Variants in ARID4A observed in about 807,000 individuals in gnomAD.
ARID4A encodes the protein AT-rich interactive domain-containing protein 4A.
ARID4A carries 39 observed loss-of-function variants against 148.6 expected under a neutral mutation model. The observed-to-expected ratio is 0.26, with a 90% confidence interval of 0.20 to 0.34. The LOEUF is 0.34. Ranked by LOEUF, ARID4A falls within the 10% of genes least tolerant of loss-of-function variation. The probability of loss-of-function intolerance (pLI) is 1.00; values close to 1 mark genes in which losing one functional copy is unlikely to be tolerated. For missense variants in ARID4A, 1,265 were observed against 1,449.1 expected (o/e 0.87, Z 2.06); for synonymous variants, 475 against 481.2 (o/e 0.99, Z 0.17).
intron 2 of ARID4A, 80 bp downstream of exon 2, chr14:58,299,940 G>C: frequency 1.9e-6 from 3 of 1,590,308 alleles, no homozygotes; most frequent in South Asian, 1.1e-5. Flanking sequence ...AATGTCATTT[G>C]TTTTGCTACT....
At chr14:58,308,198 A>G (rs896845841) in intron 5 of ARID4A, among the ~76,000 whole-genome samples, 4 of 152,084 alleles carry the variant, frequency 2.6e-5, no homozygotes, top group Admixed American at 1.3e-4. Flanking sequence ...TCTGTGTTGG[A>G]TAATTACAGA....
chr14:58,369,044 T>A (rs1484571596), intron 23 of ARID4A, among the ~76,000 whole-genome samples: 1 of 151,700 alleles, frequency 6.6e-6, no homozygotes, highest in African/African-American at 2.4e-5. Flanking sequence ...AGCAGGAATT[T>A]AAAAAAAATA....
intron 11 of ARID4A, among the ~76,000 whole-genome samples, chr14:58,339,911 A>G (rs1196552031): frequency 6.6e-6 from 1 of 151,962 alleles, no homozygotes; most frequent in Non-Finnish European, 1.5e-5. Flanking sequence ...ATACACTTTC[A>G]AGCAACCAGA....
intron 3 of ARID4A, among the ~76,000 whole-genome samples, chr14:58,303,091 G>C (rs984338512): frequency 6.6e-6 from 1 of 151,638 alleles, no homozygotes; most frequent in Non-Finnish European, 1.5e-5. Context: ...TACCTCCTAT[G>C]CTTATTATAA....
At chr14:58,299,970 G>T in intron 2 of ARID4A, 110 bp downstream of exon 2, 3 of 1,487,726 alleles carry the variant, frequency 2.0e-6, no homozygotes, top group South Asian at 2.3e-5. Context: ...TGTTCCTACT[G>T]ATCAGCAGTT....
In ARID4A at chr14:58,366,124, A is replaced by T. The variant is rs1429088364; in HGVS notation, c.3417A>T (p.Arg1139=). 6.2e-7 allele frequency: 1 copy of T among 1,613,794 alleles called. No individual in the cohort carries two copies. Among genetic ancestry groups the T allele is most frequent in the Admixed American group, 1.7e-5 (1 of 60,000 alleles). The part of the protein sequence containing the change: ...LNVSKPQKLA[R]SPARISPHIK... Reference sequence around the variant, plus strand: ...TATCTAAGCCACAGAAACTTGCACGATCTCCTGCAAGAATATCCCCGCACA... The same window carrying T: ...TATCTAAGCCACAGAAACTTGCACGTTCTCCTGCAAGAATATCCCCGCACA... Residue 1139 remains arginine (R), a synonymous_variant, in exon 22 of 24, where the codon CGA becomes CGT. Coordinates refer to ENST00000355431, the MANE Select transcript of ARID4A (RefSeq NM_002892.4).
chr14:58,371,844 G>T lies in ARID4A; in HGVS notation c.3671-42G>T. On this transcript the variant is annotated intron_variant, in intron 23 of 23. Transcript: ENST00000355431. Reference sequence around the variant, plus strand: ...TTTGCTGTTAGCTGGGTATCTTTGTGTAACAGTTTTTGGATCTAACATAGT... The same window carrying T: ...TTTGCTGTTAGCTGGGTATCTTTGTTTAACAGTTTTTGGATCTAACATAGT... The T allele has an allele frequency of 2.1e-6, 3 of 1,457,684 alleles. No homozygotes were observed. The South Asian group carries it at 3.5e-5, about 17-fold the overall frequency. 90.3% of individuals were successfully genotyped at this position (1,457,684 alleles called of 1,614,324 possible).
intron 11 of ARID4A, among the ~76,000 whole-genome samples, chr14:58,337,269 A>ATATATATATATATATATATATATATAT (rs1555361753): frequency 3.9e-5 from 2 of 51,176 alleles, no homozygotes; most frequent in African/African-American, 7.2e-5. Context: ...TATATATATA[A>ATATATATATATATATATATATATATAT]TTAAAACCGA....
At chr14:58,328,436 A>G (rs2033336070) in intron 9 of ARID4A, 120 bp downstream of exon 9, 1 of 610,560 alleles carries the variant, frequency 1.6e-6, no homozygotes, top group African/African-American at 1.9e-5. Context: ...TGAACTGAGA[A>G]GTTGTTACCT....
chr14:58,331,812 A>G (rs2140195689), intron 11 of ARID4A, among the ~76,000 whole-genome samples: 1 of 152,236 alleles, frequency 6.6e-6, no homozygotes, highest in South Asian at 2.1e-4. Flanking sequence ...TTATTTATAG[A>G]TTATATGTTT....
At chr14:58,356,699 ATTTT>A (rs1174156900) in intron 17 of ARID4A, among the ~76,000 whole-genome samples, 1 of 128,058 alleles carries the variant, frequency 7.8e-6, no homozygotes, top group Non-Finnish European at 1.7e-5. Context: ...TTGAATTTTG[ATTTT>A]TTTTTTTTTT....
chr14:58,330,130 A>C lies in ARID4A; in HGVS notation c.867A>C (p.Glu289Asp). The change falls in exon 11 of 24, where the codon GAA becomes GAC. Residue 289 changes from glutamate to aspartate, a missense_variant. By Grantham distance (45) the Glu-to-Asp change is conservative. Transcript: ENST00000355431. ...ATGGCCCAGCTGAAGAAAATGATGA[A>C]GAGAAGGAAAAGGAGGCCAAAAAGA... ...DEDGPAEEND[E>D]EKEKEAKKTE... The C allele has an allele frequency of 6.2e-7, 1 of 1,613,192 alleles. No homozygotes were observed. Among genetic ancestry groups the C allele is most frequent in the Non-Finnish European group, 8.5e-7 (1 of 1,179,746 alleles).
intron 7 of ARID4A, among the ~76,000 whole-genome samples, chr14:58,319,639 A>T (rs1385970379): frequency 3.1e-5 from 4 of 127,888 alleles, no homozygotes; most frequent in Admixed American, 2.0e-4. Context: ...TTTGCCTCCC[A>T]GGTTCGGTGA....
chr14:58,330,469 G>C (rs886635070), intron 11 of ARID4A, among the ~76,000 whole-genome samples: 1 of 151,920 alleles, frequency 6.6e-6, no homozygotes, highest in Non-Finnish European at 1.5e-5. Flanking sequence ...GTAATTTTTA[G>C]GTATTTTATA....
Position 58,372,417 on chromosome 14 carries a change from G to A in ARID4A, c.*428G>A, listed in dbSNP as rs2035651808. On this transcript the variant is annotated 3_prime_UTR_variant, in exon 24 of 24. Transcript: ENST00000355431. ...TGTATTTGAACACTTGGTGAGTAGG[G>A]GGTTTATGTTGTGTTTTTTTTCATT... The A allele has an allele frequency of 8.5e-6, 2 of 235,400 alleles. No homozygotes were observed. Among genetic ancestry groups the A allele is most frequent in the South Asian group, 3.4e-4 (2 of 5,824 alleles). The allele number at this position is 235,400 out of a possible 1,614,324, so 14.6% of individuals were successfully genotyped here.
chr14:58,366,808 C>G, intron 22 of ARID4A, 75 bp from the exon 23 acceptor site: 1 of 1,150,928 alleles, frequency 8.7e-7, no homozygotes, highest in African/African-American at 1.6e-5. Context: ...ATGAGTTAGA[C>G]GTTTGATAGA....
intron 23 of ARID4A, among the ~76,000 whole-genome samples, chr14:58,370,606 T>G (rs2035564787): frequency 6.6e-6 from 1 of 150,844 alleles, no homozygotes; most frequent in African/African-American, 2.4e-5. Flanking sequence ...CAAAAAGATT[T>G]TTTTATTACC....
At chr14:58,328,043 G>A (rs1007286352) in intron 8 of ARID4A, among the ~76,000 whole-genome samples, 194 bp from the exon 9 acceptor site, 1 of 152,144 alleles carries the variant, frequency 6.6e-6, no homozygotes, top group African/African-American at 2.4e-5. Context: ...GGCAACCAAT[G>A]TGCAGACAAA....
intron 11 of ARID4A, among the ~76,000 whole-genome samples, chr14:58,342,913 A>T (rs118165328): frequency 7.2e-6 from 1 of 138,010 alleles, no homozygotes; most frequent in Admixed American, 7.0e-5. Flanking sequence ...CTCTGTCTTT[A>T]AAAAAAAAAA....
Sources: allele counts gnomAD v4.1 joint callset (sites outside exome capture counted in the v4.1 genomes callset), GRCh38; gene constraint gnomAD v4.1.1; transcripts MANE v1.5; gene names NCBI Gene and HGNC (gene_info 2026-07-23, HGNC 2026-07-21).